XRCC1: variants seen among roughly 807,000 people sequenced by gnomAD.
XRCC1 encodes X-ray repair cross complementing 1.
XRCC1 carries 52 observed loss-of-function variants against 83.3 expected under a neutral mutation model. The ratio of observed to expected loss-of-function variants is 0.62; its 90% CI spans 0.50 to 0.79. The LOEUF (loss-of-function observed/expected upper bound fraction) is 0.79, where lower values mean the gene tolerates loss of function less well. Ranked by LOEUF, XRCC1 falls within the 30% of genes least tolerant of loss-of-function variation. XRCC1 has a pLI of 0.00. For synonymous variants in XRCC1, 281 were observed against 312.6 expected (o/e 0.90, Z 1.07); for missense variants, 793 against 823.5 (o/e 0.96, Z 0.45).
intron 2 of XRCC1, among the ~76,000 whole-genome samples, chr19:43,573,459 C>T (rs1972823961): frequency 6.6e-6 from 1 of 152,154 alleles, no homozygotes. Context: ...GGGAAATATA[C>T]TCCCCCTCCA....
At chr19:43,558,157 T>A (rs1972658222) in intron 3 of XRCC1, among the ~76,000 whole-genome samples, 1 of 152,178 alleles carries the variant, frequency 6.6e-6, no homozygotes, top group Non-Finnish European at 1.5e-5. Context: ...TCTTTTTTCT[T>A]TTTCTCACCT....
chr19:43,568,223 G>A lies in XRCC1; in HGVS notation c.144+6687C>T, dbSNP rs574729665. Among the ~76,000 whole-genome samples, 89 of 152,056 alleles carry A rather than the reference G, an allele frequency of 5.9e-4. 2 individuals carry two copies. Among genetic ancestry groups the A allele is most frequent in the African/African-American group, 2.0e-3 (84 of 41,534 alleles). On this transcript the variant is annotated intron_variant, in intron 2 of 16. Transcript: ENST00000262887. ...TAAAAGAATAAGGTAGGCTGCGCAC[G>A]GCGTGGCTGACGCCTGTAATCCCAA...
rs755093210 is a variant in XRCC1 at position 43,553,568 on chromosome 19, A to T, written c.489+41T>A. The T allele has an allele frequency of 3.7e-6, 6 of 1,612,410 alleles. No homozygotes were observed. The South Asian group carries it at 6.6e-5, about 18-fold the overall frequency. ...GGGCTGCTGGCAGGTGGGGGTGGAG[A>T]GGCAGGGAGAAGGCCATGGGGAGTG... On this transcript the variant is annotated intron_variant, in intron 5 of 16. Coordinates refer to ENST00000262887, the MANE Select transcript of XRCC1 (RefSeq NM_006297.3).
chr19:43,543,341 CGTGTGTGTGTGTGTGT>C lies in XRCC1; in HGVS notation c.*35_*50del, dbSNP rs45592142. 1.3e-3 allele frequency: 1,309 copies of C among 1,043,118 alleles called. No individual in the cohort carries two copies. The highest frequency in any genetic ancestry group is 3.1e-3 in the Middle Eastern group (13 of 4,160). The allele number at this position is 1,043,118 out of a possible 1,614,324, so 64.6% of individuals were successfully genotyped here. On this transcript the variant is annotated 3_prime_UTR_variant, in exon 17 of 17. Coordinates refer to ENST00000262887, the MANE Select transcript of XRCC1 (RefSeq NM_006297.3). ...ACCAACTCATCTTTATTAAATGCAT[CGTGTGTGTGTGTGTGT>C]GTGTGTGTGTGTGTGTGTGTGTATA...
At chr19:43,561,156 G>A in intron 2 of XRCC1, 136 bp from the exon 3 acceptor site, 1 of 710,492 alleles carries the variant, frequency 1.4e-6, no homozygotes, top group Non-Finnish European at 2.5e-6. Context: ...AGGGTTGAAT[G>A]GTGCCATGTG....
chr19:43,574,938 C>A lies in XRCC1; in HGVS notation c.116G>T (p.Gly39Val). ...TYRKWRAAKA[G>V]EKTISVVLQL... ...TAGGACCACAGAGATGGTCTTCTCG[C>A]CTGCCTTGGCTGCCCGCCATTTTCG... is the stretch of plus-strand genomic sequence containing the variant. Residue 39 changes from glycine (G) to valine (V), a missense_variant, in exon 2 of 17, where the codon GGC becomes GTC. Transcript: ENST00000262887. The A allele has an allele frequency of 6.2e-7, 1 of 1,614,188 alleles. No homozygotes were observed. Among genetic ancestry groups the A allele is most frequent in the Non-Finnish European group, 8.5e-7 (1 of 1,180,024 alleles).
At chr19:43,571,095 C>T (rs906035042) in intron 2 of XRCC1, among the ~76,000 whole-genome samples, 3 of 147,624 alleles carry the variant, frequency 2.0e-5, no homozygotes, top group South Asian at 2.1e-4. Context: ...CGGAGCCCTC[C>T]GGTGGCTCCT....
Position 43,543,366 on chromosome 19 carries a change from G to GT in XRCC1, c.*25dup. 1 of 1,414,654 alleles carries GT rather than the reference G, an allele frequency of 7.1e-7. No homozygotes were observed. The highest frequency in any genetic ancestry group is 9.9e-7 in the Non-Finnish European group (1 of 1,012,618). The allele number at this position is 1,414,654 out of a possible 1,614,324, so 87.6% of individuals were successfully genotyped here. A position where few individuals can be genotyped will look rare whatever the true frequency, so the allele number is the denominator to read the frequency against. ...CGTGTGTGTGTGTGTGTGTGTGTGT[G>GT]TGTGTGTGTGTGTATAGCACATACT... On this transcript the variant is annotated 3_prime_UTR_variant, in exon 17 of 17. Transcript: ENST00000262887.
intron 15 of XRCC1, 34 bp from the exon 16 acceptor site, chr19:43,543,721 A>G: frequency 6.3e-7 from 1 of 1,598,740 alleles, no homozygotes; most frequent in African/African-American, 1.3e-5. Context: ...TAGAAGGCAC[A>G]TCAGGGAATC....
chr19:43,572,927 C>CTTTTTTT lies in XRCC1; in HGVS notation c.144+1976_144+1982dup, dbSNP rs1015971628. Among the ~76,000 whole-genome samples, 160 of 91,126 alleles carry CTTTTTTT rather than the reference C, an allele frequency of 1.8e-3. 6 individuals carry two copies. Among genetic ancestry groups the CTTTTTTT allele is most frequent in the African/African-American group, 3.3e-3 (74 of 22,432 alleles). The allele number at this position is 91,126 out of a possible 152,430, so 59.8% of individuals were successfully genotyped here. ...AATCATCCTAAAACTGAGATCTTTT[C>CTTTTTTT]TTTTTTTTTTTTTTTTTTTTTTTGA... On this transcript the variant is annotated intron_variant, in intron 2 of 16. Coordinates refer to ENST00000262887, the MANE Select transcript of XRCC1 (RefSeq NM_006297.3).
chr19:43,560,971 G>A lies in XRCC1; in HGVS notation c.194C>T (p.Ser65Leu). The A allele has an allele frequency of 6.2e-7, 1 of 1,614,198 alleles. No individual in the cohort carries two copies. The highest frequency in any genetic ancestry group is 8.5e-7 in the Non-Finnish European group (1 of 1,180,032). Residue 65 changes from serine (S) to leucine (L), a missense_variant, in exon 3 of 17, where the codon TCA becomes TTA. Coordinates refer to ENST00000262887, the MANE Select transcript of XRCC1 (RefSeq NM_006297.3). ...IHSVDIGNDG[S>L]AFVEVLVGSS... ...GCCCACCAGCACCTCCACGAAAGCT[G>A]AGCCATCATTCCCAATGTCCACACT...
chr19:43,548,766 C>CAAAAAAAAAAAAAAAAAAAAA (rs60740505), intron 10 of XRCC1, among the ~76,000 whole-genome samples: 39 of 64,550 alleles, frequency 6.0e-4, no homozygotes, highest in East Asian at 1.1e-3. Context: ...CAAGAATGAT[C>CAAAAAAAAAAAAAAAAAAAAA]AAAAAAAAAA....
intron 2 of XRCC1, 111 bp from the exon 3 acceptor site, chr19:43,561,131 G>A: frequency 1.2e-6 from 1 of 849,876 alleles, no homozygotes; most frequent in Non-Finnish European, 2.0e-6. Context: ...TGTCAATTCT[G>A]TGAGGGGGCA....
At chr19:43,547,061 T>A (rs1972520396) in intron 10 of XRCC1, 84 bp from the exon 11 acceptor site, 19 of 1,308,814 alleles carry the variant, frequency 1.5e-5, no homozygotes, top group Non-Finnish European at 2.1e-5. Context: ...TGGCATTTAC[T>A]AAAATACTCA....
chr19:43,555,800 C>T (rs928899709), intron 3 of XRCC1, among the ~76,000 whole-genome samples: 1 of 152,148 alleles, frequency 6.6e-6, no homozygotes, highest in East Asian at 1.9e-4. Flanking sequence ...TTTTAATCTC[C>T]GGGCAAGGAC....
Position 43,545,898 on chromosome 19 carries a change from G to T in XRCC1, c.1541C>A (p.Pro514Gln). 1 of 1,613,936 alleles carries T rather than the reference G, an allele frequency of 6.2e-7. No homozygotes were observed. Among genetic ancestry groups the T allele is most frequent in the Non-Finnish European group, 8.5e-7 (1 of 1,179,908 alleles). The change falls in exon 14 of 17, where the codon CCG (proline) becomes CAG (glutamine). Residue 514 changes from proline (P) to glutamine (Q), a missense_variant. By Grantham distance (76) the Pro-to-Gln change is moderately conservative. Coordinates refer to ENST00000262887, the MANE Select transcript of XRCC1 (RefSeq NM_006297.3). ...PPGQEENGED[P>Q]YAGSTDENTD... ...GTTCTCATCCGTGGAGCCTGCATAC[G>T]GGTCTTCCCCATTCTCCTCCTGGCC... is the stretch of plus-strand genomic sequence containing the variant.
At position 43,546,779 on chromosome 19, in the gene XRCC1, T is replaced by TG. The variant is rs770918404; in HGVS notation, c.1294-53dup. 3.4e-5 allele frequency: 54 copies of TG among 1,593,200 alleles called. 1 individual carries two copies. The highest frequency in any genetic ancestry group is 2.0e-4 in the South Asian group (18 of 88,794). The stretch of plus-strand genomic sequence containing the variant: ...GAGGGCAGGAACAGTGTGGGTGTGT[T>TG]GGGGGGGTACCTGCAAGAGGCAAGA... On this transcript the variant is annotated intron_variant, in intron 11 of 16. Transcript: ENST00000262887.
intron 2 of XRCC1, among the ~76,000 whole-genome samples, chr19:43,564,796 CA>C (rs71336879): frequency 2.7e-5 from 4 of 148,474 alleles, no homozygotes; most frequent in East Asian, 2.0e-4. Flanking sequence ...CTCAAAAAAA[CA>C]AAAAAAAAAC....
intron 10 of XRCC1, among the ~76,000 whole-genome samples, chr19:43,550,019 C>T (rs2146047247): frequency 6.6e-6 from 1 of 152,124 alleles, no homozygotes. Context: ...CTCAGGAGTC[C>T]CCACCTGCAG....
Sources: allele counts gnomAD v4.1 joint callset (sites outside exome capture counted in the v4.1 genomes callset), GRCh38; gene constraint gnomAD v4.1.1; transcripts MANE v1.5; gene names NCBI Gene and HGNC (gene_info 2026-07-23, HGNC 2026-07-21).